The following NAALADL2 variants were observed in gnomAD, a reference collection of about 807,000 sequenced individuals.
The protein encoded by NAALADL2 is N-acetylated alpha-linked acidic dipeptidase like 2.
NAALADL2 carries 76 observed loss-of-function variants against 87.2 expected under a neutral mutation model. The observed-to-expected ratio is 0.87, with a 90% CI of 0.72 to 1.05. The LOEUF (loss-of-function observed/expected upper bound fraction) is 1.05. NAALADL2 is among the 50% of genes least tolerant of loss of function. NAALADL2 has a pLI of 0.00. For synonymous variants in NAALADL2, 354 were observed against 331.0 expected (o/e 1.07, Z -0.75); for missense variants, 1,089 against 945.8 (o/e 1.15, Z -1.99).
chr3:174,498,402 A>G (rs1489818521), intron 1 of NAALADL2, among the ~76,000 whole-genome samples: 2 of 151,976 alleles, frequency 1.3e-5, no homozygotes, highest in Non-Finnish European at 1.5e-5. Flanking sequence ...TCCATTGTAT[A>G]GATAAGCTTT....
intron 1 of NAALADL2, among the ~76,000 whole-genome samples, chr3:175,078,107 C>T (rs917046998): frequency 1.3e-5 from 2 of 151,962 alleles, no homozygotes; most frequent in Non-Finnish European, 2.9e-5. Context: ...TCACTGCAAC[C>T]TCTGCCTCCC....
chr3:174,536,703 C>A (rs1721758108), intron 1 of NAALADL2: 2 of 151,998 alleles, frequency 1.3e-5, no homozygotes. Flanking sequence ...CTATTGGTGA[C>A]CTTTTATAAA....
At chr3:174,858,176 T>A (rs1035235251), upstream of NAALADL2, among the ~76,000 whole-genome samples, 5 of 147,844 alleles carry the variant, frequency 3.4e-5, no homozygotes, top group African/African-American at 1.2e-4. Flanking sequence ...ATTAAATATA[T>A]AATATATAAT....
intron 9 of NAALADL2, among the ~76,000 whole-genome samples, chr3:175,555,806 G>C (rs1411990393): frequency 6.6e-6 from 1 of 152,120 alleles, no homozygotes. Flanking sequence ...TGAGAAAGGA[G>C]CACAATCTTG....
intron 2 of NAALADL2, chr3:175,218,056 T>A (rs1238184956): frequency 2.4e-6 from 1 of 425,100 alleles, no homozygotes; most frequent in African/African-American, 2.1e-5. Context: ...TTCAATGTTT[T>A]TTTTTGGCTA....
At chr3:175,126,118 GAGA>G (rs1425151244) in intron 2 of NAALADL2, among the ~76,000 whole-genome samples, 1 of 152,110 alleles carries the variant, frequency 6.6e-6, no homozygotes, top group Non-Finnish European at 1.5e-5. Context: ...ATGTGTATGG[GAGA>G]AGGAGTAATT....
At chr3:175,190,981 C>CA (rs544760324) in intron 2 of NAALADL2, among the ~76,000 whole-genome samples, 55,244 of 101,712 alleles carry the variant, frequency 0.54, 13,988 homozygotes, top group Middle Eastern at 0.71. Context: ...GACTCCGTCT[C>CA]AAAAAAAAAA....
chr3:175,393,279 T>C (rs1300994367), intron 5 of NAALADL2, among the ~76,000 whole-genome samples: 1 of 16,068 alleles, frequency 6.2e-5, no homozygotes, highest in South Asian at 3.4e-3. Context: ...AGACTCCGTC[T>C]CAAAAAAAAA....
chr3:175,779,801 T>G (rs926417135), intron 13 of NAALADL2, among the ~76,000 whole-genome samples: 1 of 152,206 alleles, frequency 6.6e-6, no homozygotes, highest in African/African-American at 2.4e-5. Context: ...CTTTCCTGCC[T>G]ATAAACTATA....
intron 1 of NAALADL2, among the ~76,000 whole-genome samples, chr3:174,890,908 C>T (rs1222900932): frequency 1.3e-5 from 2 of 151,894 alleles, no homozygotes; most frequent in South Asian, 2.1e-4. Flanking sequence ...TTTTTTCTGG[C>T]CATTACTTAA....
chr3:175,241,094 CA>C (rs1192207229), intron 3 of NAALADL2, among the ~76,000 whole-genome samples: 3 of 152,140 alleles, frequency 2.0e-5, no homozygotes, highest in Non-Finnish European at 4.4e-5. Flanking sequence ...AGCTGTTATT[CA>C]TTTTTTTTAA....
chr3:174,911,847 C>T (rs1292239750), intron 1 of NAALADL2, among the ~76,000 whole-genome samples: 1 of 152,002 alleles, frequency 6.6e-6, no homozygotes, highest in Non-Finnish European at 1.5e-5. Flanking sequence ...GCGGCAAGAA[C>T]CACAGCCTTT....
At chr3:174,503,611 G>A (rs1056652735) in intron 1 of NAALADL2, among the ~76,000 whole-genome samples, 5 of 152,038 alleles carry the variant, frequency 3.3e-5, no homozygotes, top group African/African-American at 1.2e-4. Flanking sequence ...GACTAAAATA[G>A]CTCATTGAGA....
chr3:175,575,900 G>A, intron 9 of NAALADL2, 141 bp from the exon 10 acceptor site: 1 of 630,928 alleles, frequency 1.6e-6, no homozygotes, highest in Non-Finnish European at 2.7e-6. Flanking sequence ...AGGACAGTGT[G>A]GGGCCTAAGC....
At chr3:175,701,997 A>T (rs1032394376) in intron 11 of NAALADL2, among the ~76,000 whole-genome samples, 22 of 152,178 alleles carry the variant, frequency 1.4e-4, no homozygotes, top group Admixed American at 8.5e-4. Context: ...TTTAGCTCCC[A>T]TAAGAGCTAA....
intron 1 of NAALADL2, among the ~76,000 whole-genome samples, chr3:175,045,321 A>C (rs977911554): frequency 1.3e-5 from 2 of 151,932 alleles, no homozygotes; most frequent in African/African-American, 4.8e-5. Context: ...CTTCTCCTCC[A>C]TTATCTTTGT....
At chr3:174,806,263 A>T (rs564915249) in intron 3 of NAALADL2, among the ~76,000 whole-genome samples, 5 of 152,338 alleles carry the variant, frequency 3.3e-5, no homozygotes, top group African/African-American at 1.2e-4. Flanking sequence ...GGGAAAAGTC[A>T]AACTCCTCTA....
chr3:174,690,546 A>G (rs556323080), intron 2 of NAALADL2, among the ~76,000 whole-genome samples: 1 of 152,262 alleles, frequency 6.6e-6, no homozygotes, highest in South Asian at 2.1e-4. Context: ...ACATTAACCT[A>G]AGCAAAATGT....
intron 2 of NAALADL2, among the ~76,000 whole-genome samples, chr3:174,571,599 G>A (rs970543554): frequency 1.3e-5 from 2 of 151,882 alleles, no homozygotes; most frequent in Non-Finnish European, 2.9e-5. Context: ...GGCTGGTCTC[G>A]AGCTCCCGAC....
Sources: gnomAD v4.1 joint callset for allele counts (sites outside exome capture counted in the v4.1 genomes callset) on GRCh38, gnomAD v4.1.1 for gene constraint, MANE v1.5 for transcripts, NCBI Gene and HGNC (gene_info 2026-07-23, HGNC 2026-07-21) for gene names.